The following OVCH1 variants were observed in gnomAD, a reference collection of about 807,000 sequenced individuals.
The protein encoded by OVCH1 is ovochymase-1.
Under a neutral mutation model 138.4 loss-of-function variants are expected in OVCH1, and 139 were observed. The ratio of observed to expected loss-of-function variants is 1.00; its 90% CI spans 0.87 to 1.16. OVCH1 has a LOEUF of 1.16. Among genes scored for constraint, OVCH1 ranks in the 50% most tolerant of loss-of-function variants. The pLI, the probability that OVCH1 is intolerant of heterozygous loss-of-function variation, is 0.00. For missense variants in OVCH1, 1,367 were observed against 1,357.9 expected (o/e 1.01, Z -0.11); for synonymous variants, 453 against 467.8 (o/e 0.97, Z 0.41).
At chr12:29,449,147 C>G (rs1368103565) in intron 22 of OVCH1, among the ~76,000 whole-genome samples, 1 of 151,946 alleles carries the variant, frequency 6.6e-6, no homozygotes, top group Non-Finnish European at 1.5e-5. Flanking sequence ...TTTTCATTCA[C>G]CTTCCTCCCC....
At chr12:29,450,153 C>T (rs1272489672) in intron 22 of OVCH1, among the ~76,000 whole-genome samples, 1 of 152,024 alleles carries the variant, frequency 6.6e-6, no homozygotes, top group South Asian at 2.1e-4. Context: ...CAACAAAAGT[C>T]AAAATTGACA....
chr12:29,427,254 T>C (rs547331143), downstream of OVCH1, among the ~76,000 whole-genome samples: 15 of 152,312 alleles, frequency 9.8e-5, no homozygotes, highest in Admixed American at 7.8e-4. Context: ...ACTTTTTCTT[T>C]TAAAAATCAA....
At chr12:29,444,306 T>G (rs769302315) in intron 23 of OVCH1, 26 bp from the exon 24 acceptor site, 7 of 1,606,456 alleles carry the variant, frequency 4.4e-6, no homozygotes, top group Non-Finnish European at 6.0e-6. Flanking sequence ...GCAGAGAAAA[T>G]GAGAATAAAA....
At chr12:29,436,683 C>G (rs769463504) in intron 26 of OVCH1, among the ~76,000 whole-genome samples, 7 of 152,170 alleles carry the variant, frequency 4.6e-5, no homozygotes, top group African/African-American at 7.2e-5. Context: ...TTGCTGACTT[C>G]AGGAGTGAAG....
chr12:29,474,164 T>G (rs973940513), intron 14 of OVCH1, among the ~76,000 whole-genome samples: 10 of 152,062 alleles, frequency 6.6e-5, no homozygotes, highest in Non-Finnish European at 1.5e-4. Context: ...CTTGTCTTCC[T>G]TCATATATTC....
At chr12:29,414,267 C>G (rs1941003444) in intron 3 of OVCH1, among the ~76,000 whole-genome samples, 1 of 152,052 alleles carries the variant, frequency 6.6e-6, no homozygotes, top group African/African-American at 2.4e-5. Context: ...CTCAGGTGAT[C>G]CACCCCCCTC....
chr12:29,412,365 GA>G (rs1565559509), downstream of OVCH1: 1 of 152,926 alleles, frequency 6.5e-6, no homozygotes, highest in Non-Finnish European at 1.5e-5. Flanking sequence ...CTAGTGAGAT[GA>G]ACCCGGTACC....
At chr12:29,466,622 C>T (rs1942330402) in intron 16 of OVCH1, among the ~76,000 whole-genome samples, 1 of 152,130 alleles carries the variant, frequency 6.6e-6, no homozygotes, top group South Asian at 2.1e-4. Flanking sequence ...GGCACAAGGG[C>T]GGCTGCTGGG....
chr12:29,477,052 C>G (rs1484532491), intron 12 of OVCH1, 50 bp downstream of exon 12: 1 of 1,485,078 alleles, frequency 6.7e-7, no homozygotes, highest in South Asian at 1.4e-5. Flanking sequence ...TTCTGCCTAA[C>G]TAACGTAACT....
At chr12:29,486,484 G>A (rs181375289) in intron 7 of OVCH1, 136 bp from the exon 8 acceptor site, 2 of 687,020 alleles carry the variant, frequency 2.9e-6, no homozygotes, top group Admixed American at 3.1e-5. Flanking sequence ...TCTTTTCTCA[G>A]AGTCAGTAAC....
At chr12:29,427,745 G>T in intron 27 of OVCH1, 1 of 1,477,884 alleles carries the variant, frequency 6.8e-7, no homozygotes, top group Non-Finnish European at 9.0e-7. Context: ...GGGGAAGCCA[G>T]GAGAGTAGCA....
chr12:29,464,646 G>A (rs1007769361), exon 18 of OVCH1: 1 of 1,613,544 alleles, frequency 6.2e-7, no homozygotes, highest in Non-Finnish European at 8.5e-7. Flanking sequence ...CAATGTCAGA[G>A]TCATAACTTA....
chr12:29,468,053 A>G (rs1041551489), intron 16 of OVCH1, among the ~76,000 whole-genome samples: 2 of 152,220 alleles, frequency 1.3e-5, no homozygotes, highest in Non-Finnish European at 2.9e-5. Flanking sequence ...AATGTGGCAC[A>G]TAGACATTTA....
the OVCH1 span, among the ~76,000 whole-genome samples, chr12:29,405,053 A>C: frequency 1.6e-5 from 2 of 124,774 alleles, no homozygotes; most frequent in African/African-American, 5.6e-5. Context: ...AAAAAAAAAA[A>C]AAACAAAAGA....
intron 22 of OVCH1, among the ~76,000 whole-genome samples, chr12:29,446,093 G>T (rs1941606803): frequency 6.6e-6 from 1 of 151,834 alleles, no homozygotes; most frequent in Non-Finnish European, 1.5e-5. Flanking sequence ...TTCTTCCTTA[G>T]TTCTTCCATT....
At chr12:29,415,706 T>A in intron 3 of OVCH1, among the ~76,000 whole-genome samples, 1 of 152,186 alleles carries the variant, frequency 6.6e-6, no homozygotes, top group Non-Finnish European at 1.5e-5. Context: ...GGAAGACTCA[T>A]ATAGTAAATA....
intron 27 of OVCH1, chr12:29,430,825 C>T (rs1941254639): frequency 2.0e-6 from 1 of 497,826 alleles, no homozygotes; most frequent in East Asian, 5.7e-5. Flanking sequence ...GAGTTCTGGC[C>T]AGGAGGCTTC....
chr12:29,485,964 AAAATAAAATAAAT>A (rs1188948178), intron 8 of OVCH1, among the ~76,000 whole-genome samples: 1,348 of 98,706 alleles, frequency 0.014, 20 homozygotes, highest in African/African-American at 0.048. Context: ...AAAATAAAAT[AAAATAAAATAAAT>A]AAATAAATAA....
intron 22 of OVCH1, among the ~76,000 whole-genome samples, chr12:29,450,975 A>G (rs986226470): frequency 5.5e-5 from 7 of 126,762 alleles, no homozygotes; most frequent in Non-Finnish European, 1.1e-4. Flanking sequence ...ACGAGAACAC[A>G]TGGACACAGG....
Sources: allele counts gnomAD v4.1 joint callset (sites outside exome capture counted in the v4.1 genomes callset), GRCh38; gene constraint gnomAD v4.1.1; transcripts MANE v1.5; gene names NCBI Gene and HGNC (gene_info 2026-07-23, HGNC 2026-07-21).